Variants in HOGA1 observed in about 807,000 individuals in gnomAD.
HOGA1 encodes 4-hydroxy-2-oxoglutarate aldolase 1.
HOGA1 carries 30 observed loss-of-function variants against 34.3 expected under a neutral mutation model. That is an observed-to-expected ratio of 0.87 (90% CI 0.65 to 1.19). HOGA1 has a LOEUF of 1.19. HOGA1 is among the 50% of genes most tolerant of loss of function. HOGA1 has a pLI of 0.00. For missense variants in HOGA1, 417 were observed against 436.5 expected, an observed-to-expected ratio of 0.96 and a Z score of 0.40; for synonymous variants, 161 against 174.0, an observed-to-expected ratio of 0.93 and a Z score of 0.59.
intron 6 of HOGA1, among the ~76,000 whole-genome samples, chr10:97,605,367 T>C (rs1287126013): frequency 6.6e-6 from 1 of 151,154 alleles, no homozygotes. Context: ...GCTGTGATTT[T>C]GCCACTGCAC....
In HOGA1 at chr10:97,611,556, G is replaced by A. The variant is rs1266297781; in HGVS notation, c.881G>A (p.Trp294Ter). The change falls in exon 7 of 7, where the codon TGG (tryptophan) becomes TAG (stop). Residue 294 changes from tryptophan to a stop codon, truncating the protein, a stop_gained. Coordinates refer to ENST00000370646, the MANE Select transcript of HOGA1 (RefSeq NM_138413.4). LOFTEE classifies it high-confidence loss of function. Reference protein sequence around the residue: ...GIPGLKKIMDWFGYYGGPCRA... With the variant: ...GIPGLKKIMD ...CCAGGGCTGAAGAAAATCATGGACT[G>A]GTTTGGCTACTATGGAGGCCCCTGC... 2 of 1,614,230 alleles carry A rather than the reference G, an allele frequency of 1.2e-6. No individual in the cohort carries two copies. Among genetic ancestry groups the A allele is most frequent in the South Asian group, 1.1e-5 (1 of 91,090 alleles).
In HOGA1 at chr10:97,602,028, G is replaced by C. The variant is rs376540687; in HGVS notation, c.834+38G>C. On this transcript the variant is annotated intron_variant, in intron 6 of 6. Coordinates refer to ENST00000370646, the MANE Select transcript of HOGA1 (RefSeq NM_138413.4). ...CAGCGGGGGCGCGGCCTGGCGGGGG[G>C]TGGGCAGTCTGTGTCCTCATTGGAG... The C allele has an allele frequency of 2.5e-4, 402 of 1,588,572 alleles. No homozygotes were observed. In the African/African-American group the frequency reaches 5.0e-3, roughly 20 times the overall value.
At chr10:97,609,249 C>G (rs2041179203) in intron 6 of HOGA1, among the ~76,000 whole-genome samples, 2 of 152,144 alleles carry the variant, frequency 1.3e-5, no homozygotes, top group South Asian at 4.1e-4. Context: ...GCCACCGGGA[C>G]AGGAAACGGA....
intron 1 of HOGA1, chr10:97,590,359 C>A (rs773907690): frequency 1.9e-6 from 3 of 1,614,118 alleles, no homozygotes; most frequent in Non-Finnish European, 2.5e-6. Flanking sequence ...CTTACCAGCA[C>A]TCAGGTCACC....
chr10:97,611,401 TG>T (rs1564762456), intron 6 of HOGA1, 108 bp from the exon 7 acceptor site: 1 of 1,309,182 alleles, frequency 7.6e-7, no homozygotes, highest in African/African-American at 1.4e-5. Flanking sequence ...GTTACTTTCC[TG>T]GGGGAAGAGG....
At chr10:97,587,842 G>T (rs1214389439) in intron 1 of HOGA1, among the ~76,000 whole-genome samples, 1 of 151,246 alleles carries the variant, frequency 6.6e-6, no homozygotes, top group Non-Finnish European at 1.5e-5. Context: ...TGGGGTCTCA[G>T]TCTGCCACCC....
At chr10:97,609,664 C>A (rs1304854106) in intron 6 of HOGA1, among the ~76,000 whole-genome samples, 1 of 152,162 alleles carries the variant, frequency 6.6e-6, no homozygotes, top group Non-Finnish European at 1.5e-5. Flanking sequence ...TTAGGACTTT[C>A]TACAGTCTTT....
intron 1 of HOGA1, among the ~76,000 whole-genome samples, chr10:97,589,007 A>G (rs1034596980): frequency 6.6e-6 from 1 of 152,084 alleles, no homozygotes; most frequent in African/African-American, 2.4e-5. Flanking sequence ...AACCCGAACC[A>G]TGCCTATTTA....
intron 6 of HOGA1, chr10:97,602,517 C>G (rs117985283): frequency 0.012 from 12,129 of 985,320 alleles, 79 homozygotes; most frequent in South Asian, 0.032. Context: ...TCAGAGAGAA[C>G]GCCCATCAAG....
chr10:97,599,575 G>A, intron 3 of HOGA1, 105 bp from the exon 4 acceptor site: 1 of 1,420,200 alleles, frequency 7.0e-7, no homozygotes, highest in Admixed American at 1.7e-5. Context: ...CTGTCCAGGT[G>A]GCCCTGTAGT....
Position 97,599,542 on chromosome 10 carries a change from G to GTAA in HOGA1, c.469-138_469-137insTAA, listed in dbSNP as rs1446182002. The GTAA allele has an allele frequency of 7.6e-4, 830 of 1,088,290 alleles. 14 individuals carry two copies. In the East Asian group the frequency reaches 0.016, roughly 21 times the overall value. 67.4% of individuals were successfully genotyped at this position (1,088,290 alleles called of 1,614,324 possible). On this transcript the variant is annotated intron_variant, in intron 3 of 6. Coordinates refer to ENST00000370646, the MANE Select transcript of HOGA1 (RefSeq NM_138413.4). ...ACCCACTGTGATTGCTTACACTCGG[G>GTAA]GCACGTAGCATGGGAGGGAGGCCTG...
chr10:97,586,576 C>T (rs2040973141), intron 1 of HOGA1, among the ~76,000 whole-genome samples: 1 of 152,194 alleles, frequency 6.6e-6, no homozygotes. Context: ...AAGTGAGAAG[C>T]ATTTTGAGCC....
chr10:97,601,756 C>G, intron 5 of HOGA1, 101 bp from the exon 6 acceptor site: 1 of 1,395,656 alleles, frequency 7.2e-7, no homozygotes, highest in South Asian at 1.2e-5. Flanking sequence ...ACATAGAAAT[C>G]TGTATCTAAT....
At chr10:97,611,360 C>T (rs2041194080) in intron 6 of HOGA1, 150 bp from the exon 7 acceptor site, 5 of 806,970 alleles carry the variant, frequency 6.2e-6, no homozygotes, top group African/African-American at 1.7e-5. Context: ...ATCTGGATTC[C>T]CAATGTACCC....
chr10:97,605,782 G>C (rs1334635873), intron 6 of HOGA1, among the ~76,000 whole-genome samples: 1 of 151,992 alleles, frequency 6.6e-6, no homozygotes, highest in Non-Finnish European at 1.5e-5. Flanking sequence ...AAATTGGATT[G>C]TTCTTTTGAC....
chr10:97,588,538 C>A (rs1364889074), intron 1 of HOGA1, among the ~76,000 whole-genome samples: 1 of 152,154 alleles, frequency 6.6e-6, no homozygotes, highest in East Asian at 1.9e-4. Context: ...AAAATTATGA[C>A]CAGAGACTAG....
intron 1 of HOGA1, among the ~76,000 whole-genome samples, chr10:97,592,638 T>C (rs1466151235): frequency 6.6e-6 from 1 of 151,978 alleles, no homozygotes; most frequent in Non-Finnish European, 1.5e-5. Context: ...TGATTATGAG[T>C]GTGTGTCAAA....
chr10:97,607,784 C>T (rs1232867418), intron 6 of HOGA1, among the ~76,000 whole-genome samples: 2 of 152,194 alleles, frequency 1.3e-5, no homozygotes, highest in African/African-American at 4.8e-5. Context: ...AAAGTAAATG[C>T]TCTAAGTATT....
At chr10:97,597,619 T>A (rs2041081578) in intron 1 of HOGA1, among the ~76,000 whole-genome samples, 1 of 152,150 alleles carries the variant, frequency 6.6e-6, no homozygotes, top group African/African-American at 2.4e-5. Context: ...TTGGCATGTA[T>A]GACATTCTAT....
Sources: gnomAD v4.1 joint callset for allele counts (sites outside exome capture counted in the v4.1 genomes callset) on GRCh38, gnomAD v4.1.1 for gene constraint, MANE v1.5 for transcripts, NCBI Gene and HGNC (gene_info 2026-07-23, HGNC 2026-07-21) for gene names.